Variants in NUP210L observed in about 807,000 individuals in gnomAD.
The protein encoded by NUP210L is nuclear pore membrane glycoprotein 210-like.
In NUP210L, 74 loss-of-function variants were observed where a neutral mutation model predicts 208.5. That is an observed-to-expected ratio of 0.35 (90% CI 0.29 to 0.43). NUP210L has a LOEUF of 0.43. Ranked by LOEUF, NUP210L falls within the 20% of genes least tolerant of loss-of-function variation. NUP210L has a pLI of 1.00. For missense variants in NUP210L, 1,843 were observed against 2,289.4 expected, an observed-to-expected ratio of 0.81 and a Z score of 3.98; for synonymous variants, 780 against 816.9, an observed-to-expected ratio of 0.95 and a Z score of 0.77.
intron 7 of NUP210L, among the ~76,000 whole-genome samples, chr1:154,134,999 A>G (rs1399192046): frequency 2.0e-5 from 3 of 152,076 alleles, no homozygotes; most frequent in African/African-American, 7.2e-5. Flanking sequence ...CGGCCTCCCA[A>G]AGTGCTGGGA....
chr1:153,994,451 A>T (rs894010364), intron 38 of NUP210L, among the ~76,000 whole-genome samples: 1 of 151,850 alleles, frequency 6.6e-6, no homozygotes, highest in African/African-American at 2.4e-5. Context: ...AGCTGGGATT[A>T]CAGGCATGTG....
chr1:154,019,394 A>G (rs1220755887), intron 32 of NUP210L, among the ~76,000 whole-genome samples: 2 of 152,204 alleles, frequency 1.3e-5, no homozygotes, highest in Non-Finnish European at 2.9e-5. Flanking sequence ...GCTTTGAGCT[A>G]CTGATTGATG....
intron 34 of NUP210L, among the ~76,000 whole-genome samples, chr1:154,011,813 A>C (rs1411181461): frequency 6.7e-6 from 1 of 150,084 alleles, no homozygotes; most frequent in African/African-American, 2.5e-5. Flanking sequence ...CTCAGCCTCC[A>C]AGTAGCTGGG....
intron 37 of NUP210L, among the ~76,000 whole-genome samples, chr1:153,996,369 C>T (rs1649867589): frequency 6.6e-6 from 1 of 152,182 alleles, no homozygotes; most frequent in South Asian, 2.1e-4. Flanking sequence ...CTTCCCTTCA[C>T]TAAACTTGTG....
intron 13 of NUP210L, among the ~76,000 whole-genome samples, chr1:154,103,192 A>C (rs962512600): frequency 6.7e-6 from 1 of 148,186 alleles, no homozygotes; most frequent in African/African-American, 2.5e-5. Flanking sequence ...TCAGGAGTTC[A>C]AGACCAGCCT....
intron 16 of NUP210L, chr1:154,079,027 G>A (rs1655179499): frequency 6.6e-6 from 1 of 152,110 alleles, no homozygotes; most frequent in African/African-American, 2.4e-5. Context: ...GCTCACGTCT[G>A]TAATCCCAGA....
chr1:154,102,611 G>GTA (rs1481953044), intron 13 of NUP210L, among the ~76,000 whole-genome samples: 1 of 152,130 alleles, frequency 6.6e-6, no homozygotes, highest in African/African-American at 2.4e-5. Flanking sequence ...AATAGTTAAT[G>GTA]TATAAAAAGT....
exon 40 of NUP210L, chr1:153,992,909 G>T: frequency 6.2e-7 from 1 of 1,613,048 alleles, no homozygotes; most frequent in East Asian, 2.2e-5. Flanking sequence ...ATGAAGTGAG[G>T]GGGAGAACTT....
At chr1:154,112,113 G>A (rs1657072090) in intron 12 of NUP210L, among the ~76,000 whole-genome samples, 3 of 149,442 alleles carry the variant, frequency 2.0e-5, no homozygotes, top group Admixed American at 2.0e-4. Flanking sequence ...ATTTTTAGTA[G>A]AGAAGGGGTT....
At chr1:154,079,123 G>T (rs1655184630) in intron 16 of NUP210L, among the ~76,000 whole-genome samples, 1 of 152,008 alleles carries the variant, frequency 6.6e-6, no homozygotes, top group African/African-American at 2.4e-5. Context: ...GTCAGGCATG[G>T]TGCCTCATGC....
intron 5 of NUP210L, 64 bp downstream of exon 5, chr1:154,139,738 A>G (rs1417852595): frequency 7.7e-7 from 1 of 1,295,216 alleles, no homozygotes; most frequent in East Asian, 2.4e-5. Flanking sequence ...GTACCTGGGC[A>G]ACAGAGTTAG....
chr1:154,059,221 C>G (rs1654019158), intron 20 of NUP210L, among the ~76,000 whole-genome samples: 1 of 151,868 alleles, frequency 6.6e-6, no homozygotes, highest in African/African-American at 2.4e-5. Context: ...GCCTGTAGTC[C>G]CAGTTACTCA....
intron 4 of NUP210L, among the ~76,000 whole-genome samples, chr1:154,140,458 G>A (rs1343222801): frequency 6.6e-6 from 1 of 151,096 alleles, no homozygotes; most frequent in Admixed American, 6.6e-5. Context: ...CTTGAGGTCA[G>A]GAGTTTGAGA....
intron 29 of NUP210L, among the ~76,000 whole-genome samples, chr1:154,026,200 C>T (rs1051652101): frequency 3.9e-5 from 6 of 151,980 alleles, no homozygotes; most frequent in African/African-American, 1.5e-4. Context: ...ACACCATTTG[C>T]ACTGCAGCCT....
chr1:154,063,763 A>G (rs1654257352), intron 17 of NUP210L, among the ~76,000 whole-genome samples: 1 of 152,120 alleles, frequency 6.6e-6, no homozygotes, highest in African/African-American at 2.4e-5. Context: ...AGTGCCTGGC[A>G]TGTCATGAGA....
At chr1:153,995,042 T>A (rs1261546089) in intron 38 of NUP210L, 34 bp downstream of exon 38, 2 of 1,333,942 alleles carry the variant, frequency 1.5e-6, no homozygotes, top group East Asian at 4.6e-5. Context: ...AGTTTTCATG[T>A]CAAAGTCTAT....
chr1:154,098,079 G>C (rs1656262300), intron 14 of NUP210L, among the ~76,000 whole-genome samples: 1 of 152,248 alleles, frequency 6.6e-6, no homozygotes, highest in Non-Finnish European at 1.5e-5. Flanking sequence ...AGCCACTGCA[G>C]TCAGGCACAC....
At position 154,140,666 on chromosome 1, in the gene NUP210L, C is replaced by CAAAAAAAAAAAAAAAAAAAAAAAAAAA. The variant is rs1434093544; in HGVS notation, c.567-715_567-714insTTTTTTTTTTTTTTTTTTTTTTTTTTT. Among the ~76,000 whole-genome samples, 12 of 102,462 alleles carry CAAAAAAAAAAAAAAAAAAAAAAAAAAA rather than the reference C, an allele frequency of 1.2e-4. 1 individual carries two copies. The highest frequency in any genetic ancestry group is 3.0e-4 in the Admixed American group (3 of 10,160). 67.2% of individuals were successfully genotyped at this position (102,462 alleles called of 152,430 possible). ...TGAGTGACAGAGCAAGACTCCATCT[C>CAAAAAAAAAAAAAAAAAAAAAAAAAAA]AAAAAAAAAAACAGAAAAAGAAAAG... On this transcript the variant is annotated intron_variant, in intron 4 of 39. Coordinates refer to ENST00000368559, the Ensembl canonical transcript of NUP210L.
intron 16 of NUP210L, among the ~76,000 whole-genome samples, chr1:154,075,786 TC>T (rs1655000157): frequency 6.6e-6 from 1 of 151,942 alleles, no homozygotes; most frequent in East Asian, 1.9e-4. Context: ...GGCAAATACT[TC>T]TTTTTTTTTT....
Sources: gnomAD v4.1 joint callset for allele counts (sites outside exome capture counted in the v4.1 genomes callset) on GRCh38, gnomAD v4.1.1 for gene constraint, MANE v1.5 for transcripts, NCBI Gene and HGNC (gene_info 2026-07-23, HGNC 2026-07-21) for gene names.